The following ARHGAP10 variants were observed in gnomAD, a reference collection of about 807,000 sequenced individuals.
The protein encoded by ARHGAP10 is rho GTPase-activating protein 10.
ARHGAP10 carries 87 observed loss-of-function variants against 108.6 expected under a neutral mutation model. The observed-to-expected ratio is 0.80, with a 90% CI of 0.67 to 0.96. The LOEUF (loss-of-function observed/expected upper bound fraction) is 0.96, where lower values mean the gene tolerates loss of function less well. ARHGAP10 is among the 40% of genes least tolerant of loss of function. The pLI, the probability that ARHGAP10 is intolerant of heterozygous loss-of-function variation, is 0.00. For synonymous variants in ARHGAP10, 347 were observed against 341.1 expected (o/e 1.02, Z -0.19); for missense variants, 939 against 954.5 (o/e 0.98, Z 0.21).
chr4:148,064,719 G>C (rs192113580), intron 22 of ARHGAP10, among the ~76,000 whole-genome samples: 1 of 131,516 alleles, frequency 7.6e-6, no homozygotes, highest in Non-Finnish European at 1.7e-5. Context: ...CTTGCTTCTT[G>C]ATTACTCTCT....
intron 18 of ARHGAP10, among the ~76,000 whole-genome samples, chr4:147,989,178 G>A (rs796667733): frequency 8.0e-6 from 1 of 124,546 alleles, no homozygotes; most frequent in Non-Finnish European, 1.8e-5. Context: ...TTATTAGGGA[G>A]TTTCAAAAGG....
At chr4:147,884,119 T>C (rs895268714) in intron 10 of ARHGAP10, among the ~76,000 whole-genome samples, 3 of 152,260 alleles carry the variant, frequency 2.0e-5, no homozygotes, top group African/African-American at 7.2e-5. Flanking sequence ...GTGAGGTGAA[T>C]CTGATTAGTT....
At chr4:148,013,148 A>G (rs1221901142) in intron 18 of ARHGAP10, among the ~76,000 whole-genome samples, 1 of 152,226 alleles carries the variant, frequency 6.6e-6, no homozygotes, top group Non-Finnish European at 1.5e-5. Flanking sequence ...AGCCTGTCCT[A>G]AAGTGCCACC....
chr4:147,803,228 C>T (rs900979871), intron 1 of ARHGAP10, among the ~76,000 whole-genome samples: 8 of 152,074 alleles, frequency 5.3e-5, no homozygotes, highest in Non-Finnish European at 7.4e-5. Flanking sequence ...AGGCTGGTCT[C>T]GAACTCCTGG....
At chr4:147,995,701 A>AT (rs559054857) in intron 18 of ARHGAP10, among the ~76,000 whole-genome samples, 164 of 152,196 alleles carry the variant, frequency 1.1e-3, no homozygotes, top group Admixed American at 3.4e-3. Context: ...ATTTCCAAAA[A>AT]TTTGCATGGT....
intron 1 of ARHGAP10, among the ~76,000 whole-genome samples, chr4:147,761,906 C>T (rs1400224715): frequency 1.3e-5 from 2 of 152,222 alleles, no homozygotes; most frequent in African/African-American, 4.8e-5. Flanking sequence ...GCAGTAACAG[C>T]AGCAACAGCA....
At chr4:147,776,798 C>T (rs1284218467) in intron 1 of ARHGAP10, among the ~76,000 whole-genome samples, 3 of 152,212 alleles carry the variant, frequency 2.0e-5, no homozygotes, top group Non-Finnish European at 4.4e-5. Flanking sequence ...ACTTGTATCG[C>T]AGCATGGACT....
At chr4:147,795,503 T>C (rs565193084) in intron 1 of ARHGAP10, among the ~76,000 whole-genome samples, 5 of 152,148 alleles carry the variant, frequency 3.3e-5, no homozygotes, top group South Asian at 2.1e-4. Flanking sequence ...AGAGGAGATA[T>C]ATTTTTACGA....
At chr4:148,061,485 T>G (rs1729618132) in intron 20 of ARHGAP10, among the ~76,000 whole-genome samples, 1 of 152,206 alleles carries the variant, frequency 6.6e-6, no homozygotes, top group African/African-American at 2.4e-5. Context: ...ATGGAGTGAC[T>G]TTTGTGACTG....
intron 9 of ARHGAP10, 35 bp from the exon 10 acceptor site, chr4:147,881,803 T>G: frequency 6.3e-7 from 1 of 1,599,436 alleles, no homozygotes; most frequent in Non-Finnish European, 8.6e-7. Context: ...ACTTATCCTG[T>G]AGGTTTTGAG....
intron 10 of ARHGAP10, among the ~76,000 whole-genome samples, chr4:147,904,750 A>T (rs1222503407): frequency 2.0e-5 from 3 of 152,182 alleles, no homozygotes; most frequent in Non-Finnish European, 4.4e-5. Context: ...TATACCCAGT[A>T]ATGGGATTGC....
At chr4:148,012,838 T>C (rs1381770046) in intron 18 of ARHGAP10, among the ~76,000 whole-genome samples, 2 of 152,034 alleles carry the variant, frequency 1.3e-5, no homozygotes, top group Non-Finnish European at 2.9e-5. Flanking sequence ...TGACAAAATG[T>C]TTTAAGAAAA....
chr4:147,762,013 A>G (rs28648970), intron 1 of ARHGAP10, among the ~76,000 whole-genome samples: 108 of 151,910 alleles, frequency 7.1e-4, no homozygotes, highest in African/African-American at 2.5e-3. Flanking sequence ...CTCTTTTTTT[A>G]TTTTTATTTT....
At chr4:147,881,799 C>A (rs769400769) in intron 9 of ARHGAP10, 39 bp from the exon 10 acceptor site, 1 of 1,593,622 alleles carries the variant, frequency 6.3e-7, no homozygotes, top group South Asian at 1.1e-5. Context: ...ATATACTTAT[C>A]CTGTAGGTTT....
At chr4:147,763,014 A>G (rs1420730085) in intron 1 of ARHGAP10, among the ~76,000 whole-genome samples, 2 of 152,282 alleles carry the variant, frequency 1.3e-5, no homozygotes, top group East Asian at 1.9e-4. Context: ...AAACATAAGG[A>G]AAGTAAAAGC....
At chr4:148,010,999 T>G (rs1741151464) in intron 18 of ARHGAP10, among the ~76,000 whole-genome samples, 1 of 152,240 alleles carries the variant, frequency 6.6e-6, no homozygotes, top group African/African-American at 2.4e-5. Context: ...TTCATGACAT[T>G]GGCACTTCTG....
intron 1 of ARHGAP10, among the ~76,000 whole-genome samples, chr4:147,762,239 C>T (rs1423971341): frequency 6.6e-6 from 1 of 152,120 alleles, no homozygotes; most frequent in African/African-American, 2.4e-5. Flanking sequence ...AACCCCTGGC[C>T]TCAAGCAGTC....
chr4:147,850,402 T>C (rs1042914798), intron 4 of ARHGAP10, among the ~76,000 whole-genome samples: 14 of 152,210 alleles, frequency 9.2e-5, no homozygotes, highest in African/African-American at 2.7e-4. Flanking sequence ...GCTCACTCTT[T>C]GGGTCCACAC....
rs939987865 is a variant in ARHGAP10 at position 147,951,405 on chromosome 4, T to C, written c.1392-3911T>C. 3.2e-4 allele frequency among the ~76,000 whole-genome samples: 4 copies of C among 12,344 alleles called. No homozygotes were observed. In the Non-Finnish European group the frequency reaches 5.3e-3, roughly 16 times the overall value. 8.1% of individuals were successfully genotyped at this position (12,344 alleles called of 152,430 possible). A position where few individuals can be genotyped will look rare whatever the true frequency, so the allele number is the denominator to read the frequency against. ...TTATTTAGGCTGTGGTATAGTTGAT[T>C]TTTTTTTTTTTTTCATTTTCTTTGT... is the stretch of plus-strand genomic sequence containing the variant. On this transcript the variant is annotated intron_variant, in intron 15 of 22. Coordinates refer to ENST00000336498, the MANE Select transcript of ARHGAP10 (RefSeq NM_024605.4).
Sources: gnomAD v4.1 joint callset for allele counts (sites outside exome capture counted in the v4.1 genomes callset) on GRCh38, gnomAD v4.1.1 for gene constraint, MANE v1.5 for transcripts, NCBI Gene and HGNC (gene_info 2026-07-23, HGNC 2026-07-21) for gene names.